The following GALNTL6 variants were observed in gnomAD, a reference collection of about 807,000 sequenced individuals.
GALNTL6 encodes the protein polypeptide N-acetylgalactosaminyltransferase like 6.
In GALNTL6, 46 loss-of-function variants were observed where a neutral mutation model predicts 73.7. The observed-to-expected ratio is 0.62, with a 90% CI of 0.49 to 0.80. The LOEUF is 0.80. GALNTL6 is among the 30% of genes least tolerant of loss of function. The probability of loss-of-function intolerance (pLI) is 0.00; values close to 1 mark genes in which losing one functional copy is unlikely to be tolerated. For missense variants in GALNTL6, 604 were observed against 755.0 expected (o/e 0.80, Z 2.34); for synonymous variants, 259 against 263.7 (o/e 0.98, Z 0.17).
At chr4:173,009,389 A>G (rs770344006) in intron 11 of GALNTL6, 95 bp downstream of exon 11, 3 of 788,924 alleles carry the variant, frequency 3.8e-6, no homozygotes, top group East Asian at 4.9e-5. Context: ...CGAATGGTGC[A>G]GATGGTACTT....
At chr4:172,264,613 ATAAT>A (rs1328162302) in intron 3 of GALNTL6, among the ~76,000 whole-genome samples, 2 of 57,040 alleles carry the variant, frequency 3.5e-5, no homozygotes, top group African/African-American at 1.3e-4. Flanking sequence ...ATATACACAT[ATAAT>A]ATATTTGGCA....
chr4:172,225,100 G>C (rs1054403959), intron 2 of GALNTL6, among the ~76,000 whole-genome samples: 6 of 151,966 alleles, frequency 3.9e-5, no homozygotes, highest in Admixed American at 1.3e-4. Context: ...GTACAATACT[G>C]TTTATATTAA....
At chr4:172,135,408 A>G (rs1215688636) in intron 2 of GALNTL6, among the ~76,000 whole-genome samples, 1 of 46,528 alleles carries the variant, frequency 2.1e-5, no homozygotes, top group Non-Finnish European at 4.5e-5. Context: ...CTTAGGAAAA[A>G]GAGAGAGAGA....
chr4:172,323,530 A>G (rs1161858219), intron 4 of GALNTL6, among the ~76,000 whole-genome samples: 1 of 152,178 alleles, frequency 6.6e-6, no homozygotes, highest in African/African-American at 2.4e-5. Flanking sequence ...GGGAAGAGAC[A>G]ACCTTAAATG....
chr4:172,093,998 G>A (rs923975019), intron 2 of GALNTL6, among the ~76,000 whole-genome samples: 1 of 152,078 alleles, frequency 6.6e-6, no homozygotes, highest in Non-Finnish European at 1.5e-5. Flanking sequence ...CCACTGCCCC[G>A]GTCTGTGGAA....
chr4:172,349,189 G>A (rs1043748424), intron 5 of GALNTL6, among the ~76,000 whole-genome samples: 3 of 151,918 alleles, frequency 2.0e-5, no homozygotes, highest in African/African-American at 4.8e-5. Flanking sequence ...TTATCTATCT[G>A]AACAATAACA....
chr4:172,173,163 C>G (rs2110827130), intron 2 of GALNTL6, among the ~76,000 whole-genome samples: 1 of 152,332 alleles, frequency 6.6e-6, no homozygotes, highest in South Asian at 2.1e-4. Context: ...ATTTCCAAAA[C>G]TGAAACTTTC....
intron 2 of GALNTL6, among the ~76,000 whole-genome samples, chr4:171,910,407 A>G (rs961520009): frequency 2.0e-5 from 3 of 152,244 alleles, no homozygotes; most frequent in East Asian, 1.9e-4. Flanking sequence ...CCCAAAACCA[A>G]TAACAACTGT....
intron 2 of GALNTL6, among the ~76,000 whole-genome samples, chr4:172,193,335 G>C (rs1199313951): frequency 6.6e-6 from 1 of 152,194 alleles, no homozygotes; most frequent in Non-Finnish European, 1.5e-5. Context: ...AGCTATCTTT[G>C]CTGTTTTTCA....
intron 2 of GALNTL6, among the ~76,000 whole-genome samples, chr4:172,030,002 C>T (rs1340387112): frequency 1.3e-5 from 2 of 152,014 alleles, no homozygotes; most frequent in African/African-American, 2.4e-5. Flanking sequence ...GTGTGTATGT[C>T]GAACTCAGTT....
At chr4:172,949,587 T>TA (rs1353902485) in intron 9 of GALNTL6, among the ~76,000 whole-genome samples, 27 of 151,302 alleles carry the variant, frequency 1.8e-4, no homozygotes, top group African/African-American at 6.3e-4. Flanking sequence ...TATTATCAAC[T>TA]AGTTTTTTTT....
chr4:172,804,775 AG>A (rs1433706227), intron 5 of GALNTL6, among the ~76,000 whole-genome samples: 1 of 152,230 alleles, frequency 6.6e-6, no homozygotes, highest in African/African-American at 2.4e-5. Context: ...ATGAACTAAC[AG>A]TGCTTCAGTC....
At chr4:172,732,045 T>C (rs1224189456) in intron 5 of GALNTL6, among the ~76,000 whole-genome samples, 1 of 152,132 alleles carries the variant, frequency 6.6e-6, no homozygotes, top group South Asian at 2.1e-4. Flanking sequence ...TAAATATCAA[T>C]TAGTCCTATT....
chr4:172,298,001 A>T (rs373244712), intron 3 of GALNTL6, among the ~76,000 whole-genome samples: 2 of 152,290 alleles, frequency 1.3e-5, no homozygotes, highest in South Asian at 2.1e-4. Context: ...ATGTTCTTCC[A>T]TTTGTTTATA....
At chr4:171,832,578 GC>G (rs1735007516) in intron 2 of GALNTL6, among the ~76,000 whole-genome samples, 1 of 150,444 alleles carries the variant, frequency 6.6e-6, no homozygotes, top group Non-Finnish European at 1.5e-5. Flanking sequence ...TGAATACATT[GC>G]AAAAAAAAGT....
chr4:172,379,760 T>C (rs952800825), intron 5 of GALNTL6, among the ~76,000 whole-genome samples: 10 of 152,138 alleles, frequency 6.6e-5, no homozygotes, highest in African/African-American at 1.9e-4. Flanking sequence ...AAACCAGGCT[T>C]GGGGAAATGA....
rs557674138 is a variant in GALNTL6 at position 172,560,480 on chromosome 4, C to G, written c.553+211791C>G. Among the ~76,000 whole-genome samples, 249 of 151,846 alleles carry G rather than the reference C, an allele frequency of 1.6e-3. 1 individual carries two copies. The highest frequency in any genetic ancestry group is 5.7e-3 in the African/African-American group (235 of 41,398). On this transcript the variant is annotated intron_variant, in intron 5 of 12. Coordinates refer to ENST00000506823, the MANE Select transcript of GALNTL6 (RefSeq NM_001034845.3). ...TTCCAACTTGGGTGACGAAGTGAGACTGTCTCAAAAAAAAAAGCAGAAATT... is the reference window on the plus strand; with the variant it reads ...TTCCAACTTGGGTGACGAAGTGAGAGTGTCTCAAAAAAAAAAGCAGAAATT...
chr4:172,747,816 T>C (rs1319529921), intron 5 of GALNTL6, among the ~76,000 whole-genome samples: 1 of 144,384 alleles, frequency 6.9e-6, no homozygotes, highest in Non-Finnish European at 1.5e-5. Context: ...ATATACACAA[T>C]GGAATTGTGC....
intron 8 of GALNTL6, among the ~76,000 whole-genome samples, chr4:172,907,034 T>C (rs1174880360): frequency 1.3e-5 from 2 of 152,150 alleles, no homozygotes; most frequent in Non-Finnish European, 2.9e-5. Flanking sequence ...TACAAGGGCA[T>C]GTATAGTCCA....
Sources: gnomAD v4.1 joint callset for allele counts (sites outside exome capture counted in the v4.1 genomes callset) on GRCh38, gnomAD v4.1.1 for gene constraint, MANE v1.5 for transcripts, NCBI Gene and HGNC (gene_info 2026-07-23, HGNC 2026-07-21) for gene names.